Variants in PGM3 observed in about 807,000 individuals in gnomAD.
PGM3 encodes the protein phosphoacetylglucosamine mutase.
PGM3 carries 40 observed loss-of-function variants against 66.2 expected under a neutral mutation model. That is an observed-to-expected ratio of 0.60 (90% CI 0.47 to 0.79). The LOEUF (loss-of-function observed/expected upper bound fraction) is 0.79. Among genes scored for constraint, PGM3 ranks in the 30% least tolerant of loss-of-function variants. The pLI, the probability that PGM3 is intolerant of heterozygous loss-of-function variation, is 0.00. For missense variants in PGM3, 537 were observed against 643.4 expected (o/e 0.83, Z 1.79); for synonymous variants, 191 against 224.2 (o/e 0.85, Z 1.32).
chr6:83,157,158 GA>G (rs1314104603), downstream of PGM3: 4 of 1,603,658 alleles, frequency 2.5e-6, no homozygotes, highest in Admixed American at 1.8e-5. Flanking sequence ...TTTAGTTATT[GA>G]AAATGCTCTG....
downstream of PGM3, chr6:83,164,762 T>G: frequency 6.6e-7 from 1 of 1,519,662 alleles, no homozygotes; most frequent in African/African-American, 1.4e-5. Context: ...CAGCAAAAGT[T>G]GCCAAATATT....
chr6:83,185,628 A>T (rs574105401), intron 4 of PGM3, among the ~76,000 whole-genome samples: 34 of 152,134 alleles, frequency 2.2e-4, no homozygotes, highest in African/African-American at 7.5e-4. Context: ...GTGTGGTGGC[A>T]TGTGCCTGTA....
At chr6:83,183,020 CA>C in intron 4 of PGM3, 42 bp from the exon 5 acceptor site, 1 of 1,586,748 alleles carries the variant, frequency 6.3e-7, no homozygotes, top group Non-Finnish European at 8.6e-7. Flanking sequence ...CATTTCTTAA[CA>C]AAGAGAAAAA....
At chr6:83,191,153 G>A in intron 1 of PGM3, 139 bp from the exon 2 acceptor site, 1 of 1,486,244 alleles carries the variant, frequency 6.7e-7, no homozygotes, top group Non-Finnish European at 9.1e-7. Flanking sequence ...ACAGAGCAAT[G>A]GGCAGGAGAG....
intron 12 of PGM3, 118 bp from the exon 13 acceptor site, chr6:83,169,441 T>A: frequency 8.5e-7 from 1 of 1,177,450 alleles, no homozygotes; most frequent in Non-Finnish European, 1.2e-6. Context: ...TTTGTTTCAC[T>A]AACAAATTCT....
At chr6:83,190,374 CTGTT>C (rs1179768503) in intron 2 of PGM3, 1 of 164,632 alleles carries the variant, frequency 6.1e-6, no homozygotes, top group African/African-American at 2.4e-5. Context: ...CAAAGCTCAC[CTGTT>C]TGTTCATTCA....
intron 8 of PGM3, 78 bp from the exon 9 acceptor site, chr6:83,176,138 T>C: frequency 1.2e-6 from 1 of 808,690 alleles, no homozygotes; most frequent in Non-Finnish European, 2.2e-6. Flanking sequence ...ATCCCAGAGA[T>C]ACAAAGGGGA....
Position 83,169,296 on chromosome 6 carries a change from C to T in PGM3, c.1567G>A (p.Val523Met). 6.2e-7 allele frequency: 1 copy of T among 1,613,890 alleles called. No homozygotes were observed. Among genetic ancestry groups the T allele is most frequent in the Non-Finnish European group, 8.5e-7 (1 of 1,179,786 alleles). Reference protein sequence around the residue: ...QESADHLAHEVSLAVFQLAGG... With the variant: ...QESADHLAHEMSLAVFQLAGG... ...GCCAGCTGAAATACTGCCAAGCTCA[C>T]TTCATGTGCAAGGTGATCTGCACTT... The change falls in exon 13 of 13, where the codon GTG becomes ATG. Residue 523 changes from valine (V) to methionine (M), a missense_variant. By Grantham distance (21) the Val-to-Met change is conservative (BLOSUM62 1). Coordinates refer to ENST00000513973, the MANE Select transcript of PGM3 (RefSeq NM_015599.3).
chr6:83,156,352 T>C (rs1782786061), downstream of PGM3, among the ~76,000 whole-genome samples: 1 of 152,172 alleles, frequency 6.6e-6, no homozygotes, highest in South Asian at 2.1e-4. Context: ...GGAATTCATG[T>C]TTGAGGATGA....
downstream of PGM3, chr6:83,162,925 G>A (rs777922604): frequency 3.3e-5 from 53 of 1,607,474 alleles, no homozygotes; most frequent in South Asian, 1.1e-4. Flanking sequence ...CAAAGGTATC[G>A]CATTCTTTTG....
chr6:83,159,658 C>A, downstream of PGM3: 1 of 931,600 alleles, frequency 1.1e-6, no homozygotes, highest in Non-Finnish European at 1.7e-6. Flanking sequence ...GACATTTCAT[C>A]ATGACCTTGC....
the PGM3 span, chr6:83,155,864 TC>T: frequency 6.8e-7 from 1 of 1,477,972 alleles, no homozygotes; most frequent in Non-Finnish European, 9.1e-7. Flanking sequence ...GTTTTGGATG[TC>T]ATAGAGCATC....
intron 8 of PGM3, 27 bp from the exon 9 acceptor site, chr6:83,176,087 C>A (rs757132077): frequency 2.9e-5 from 35 of 1,212,924 alleles, no homozygotes; most frequent in Non-Finnish European, 4.2e-5. Context: ...TAAAGAAATA[C>A]AGCAATTACT....
At chr6:83,161,633 G>A (rs1784256234), downstream of PGM3, among the ~76,000 whole-genome samples, 1 of 152,146 alleles carries the variant, frequency 6.6e-6, no homozygotes, top group South Asian at 2.1e-4. Flanking sequence ...GTTCTCCTGA[G>A]TTTCCGATTA....
At chr6:83,174,547 C>T (rs16881899) in intron 9 of PGM3, 60 bp from the exon 10 acceptor site, 56 of 838,612 alleles carry the variant, frequency 6.7e-5, no homozygotes, top group Non-Finnish European at 9.9e-5. Flanking sequence ...GTCATAAGTA[C>T]TATTATTCTA....
At chr6:83,190,693 T>A in intron 2 of PGM3, 116 bp downstream of exon 2, 1 of 803,718 alleles carries the variant, frequency 1.2e-6, no homozygotes, top group Non-Finnish European at 2.1e-6. Context: ...AAAGCACATA[T>A]AAATGAGAAG....
intron 4 of PGM3, among the ~76,000 whole-genome samples, chr6:83,186,149 C>T (rs566088231): frequency 1.3e-5 from 2 of 152,282 alleles, no homozygotes; most frequent in Non-Finnish European, 2.9e-5. Context: ...AGGTCCTCTG[C>T]AGCTTTCCCA....
intron 2 of PGM3, 124 bp from the exon 3 acceptor site, chr6:83,188,922 A>C (rs1442784461): frequency 4.5e-6 from 3 of 665,900 alleles, no homozygotes; most frequent in Non-Finnish European, 7.7e-6. Flanking sequence ...AACAATAAAC[A>C]CCAAATATTA....
At chr6:83,153,248 G>A in the PGM3 span, 1 of 238,026 alleles carries the variant, frequency 4.2e-6, no homozygotes, top group Admixed American at 5.6e-5. Flanking sequence ...TGTCACAGAA[G>A]GTTCTTGAAC....
Sources: allele counts gnomAD v4.1 joint callset (sites outside exome capture counted in the v4.1 genomes callset), GRCh38; gene constraint gnomAD v4.1.1; transcripts MANE v1.5; gene names NCBI Gene and HGNC (gene_info 2026-07-23, HGNC 2026-07-21).